The following SYAP1 variants were observed in gnomAD, a reference collection of about 807,000 sequenced individuals.
The protein encoded by SYAP1 is synapse-associated protein 1.
A neutral mutation model predicts 29.6 loss-of-function variants in SYAP1; 3 were observed. The observed-to-expected ratio is 0.10, with a 90% confidence interval of 0.05 to 0.26. SYAP1 has a LOEUF of 0.26. Among genes scored for constraint, SYAP1 ranks in the 10% least tolerant of loss-of-function variants. The pLI, the probability that SYAP1 is intolerant of heterozygous loss-of-function variation, is 1.00. For synonymous variants in SYAP1, 102 were observed against 102.7 expected (o/e 0.99, Z 0.04); for missense variants, 217 against 264.1 (o/e 0.82, Z 1.24).
intron 1 of SYAP1, among the ~76,000 whole-genome samples, chrX:16,733,069 A>C (rs1361525255): frequency 8.9e-6 from 1 of 111,814 alleles, no homozygotes; most frequent in African/African-American, 3.3e-5. Flanking sequence ...CCCACAGCAT[A>C]TGGAGAGTTA....
intron 1 of SYAP1, among the ~76,000 whole-genome samples, chrX:16,725,933 T>C (rs1406146505): frequency 8.9e-6 from 1 of 112,120 alleles, no homozygotes; most frequent in Non-Finnish European, 1.9e-5. Flanking sequence ...ATAAAAGGAA[T>C]TTATTTCCAA....
At chrX:16,744,732 T>C (rs780962770) in intron 5 of SYAP1, among the ~76,000 whole-genome samples, 1 of 111,169 alleles carries the variant, frequency 9.0e-6, no homozygotes, top group African/African-American at 3.3e-5. Flanking sequence ...CTCAGGAAGC[T>C]GAGGCGGGAG....
At chrX:16,739,476 CTTTTTTTT>C (rs760754281) in intron 3 of SYAP1, among the ~76,000 whole-genome samples, 2 of 81,522 alleles carry the variant, frequency 2.5e-5, no homozygotes, top group African/African-American at 4.9e-5. Context: ...CTCTCTCTCT[CTTTTTTTT>C]TTTTTTTTTT....
At chrX:16,747,990 G>A (rs1036379798) in intron 5 of SYAP1, among the ~76,000 whole-genome samples, 1 of 110,687 alleles carries the variant, frequency 9.0e-6, no homozygotes, top group Non-Finnish European at 1.9e-5. Flanking sequence ...AGCTGAGGCA[G>A]CAGAATCACT....
intron 8 of SYAP1, 34 bp from the exon 9 acceptor site, chrX:16,760,198 A>G (rs1926951444): frequency 8.7e-7 from 1 of 1,150,037 alleles, no homozygotes; most frequent in Non-Finnish European, 1.2e-6. Flanking sequence ...ATGAATTCAG[A>G]GAGAATCTTT....
At position 16,736,243 on chromosome X, in the gene SYAP1, G is replaced by C. The variant is rs769884630; in HGVS notation, c.361+11G>C. 6.4e-5 allele frequency: 74 copies of C among 1,154,760 alleles called. No individual in the cohort carries two copies. Among genetic ancestry groups the C allele is most frequent in the Admixed American group, 2.2e-5 (1 of 44,765 alleles). Reference sequence around the variant, plus strand: ...ATACAAAGAAGTCAGGTATGGTATAGGTTTGTCTTAATTAACCTGCCAGGT... The same window carrying C: ...ATACAAAGAAGTCAGGTATGGTATACGTTTGTCTTAATTAACCTGCCAGGT... On this transcript the variant is annotated intron_variant, in intron 3 of 8. Coordinates refer to ENST00000380155, the MANE Select transcript of SYAP1 (RefSeq NM_032796.4).
At chrX:16,760,208 T>C (rs1448798759) in intron 8 of SYAP1, 24 bp from the exon 9 acceptor site, 1 of 1,153,517 alleles carries the variant, frequency 8.7e-7, no homozygotes. Flanking sequence ...AGAGAATCTT[T>C]TTCTTCTCCT....
chrX:16,736,301 C>A, intron 3 of SYAP1, 69 bp downstream of exon 3: 1 of 718,672 alleles, frequency 1.4e-6, no homozygotes, highest in Non-Finnish European at 2.2e-6. Flanking sequence ...CTAGATACCA[C>A]ACTGAGGGTC....
chrX:16,720,648 A>T (rs749107691), intron 1 of SYAP1, among the ~76,000 whole-genome samples: 1 of 112,188 alleles, frequency 8.9e-6, no homozygotes, highest in South Asian at 3.7e-4. Context: ...AGGTGATAAT[A>T]GACGTGGAGT....
chrX:16,761,286 CTA>C lies in SYAP1; in HGVS notation c.*930_*931del, dbSNP rs948438750. ...GCCTTTTCTTTCTTTTCTTTTTAAACTATACCAGAAATTTTACATCACAGTTT... is the reference window on the plus strand; with the variant it reads ...GCCTTTTCTTTCTTTTCTTTTTAAACTACCAGAAATTTTACATCACAGTTT... On this transcript the variant is annotated 3_prime_UTR_variant, in exon 9 of 9. Coordinates refer to ENST00000380155, the MANE Select transcript of SYAP1 (RefSeq NM_032796.4). 1 of 104,582 alleles carries C rather than the reference CTA, an allele frequency of 9.6e-6. No individual in the cohort carries two copies. The highest frequency in any genetic ancestry group is 1.1e-4 in the Admixed American group (1 of 9,412). The allele number at this position is 104,582 out of a possible 1,213,427, so 8.6% of individuals were successfully genotyped here. A position where few individuals can be genotyped will look rare whatever the true frequency, so the allele number is the denominator to read the frequency against.
intron 5 of SYAP1, among the ~76,000 whole-genome samples, chrX:16,749,772 C>T (rs56360216): frequency 1.8e-5 from 2 of 109,385 alleles, no homozygotes; most frequent in Non-Finnish European, 3.8e-5. Flanking sequence ...AAAAATTAGC[C>T]GGGTGGTGGC....
rs748146650 is a variant in SYAP1 at position 16,757,671 on chromosome X, C to T, written c.931+362C>T. Among the ~76,000 whole-genome samples the T allele has an allele frequency of 2.4e-3, 263 of 110,338 alleles. 1 individual carries two copies. Among genetic ancestry groups the T allele is most frequent in the African/African-American group, 8.0e-3 (242 of 30,340 alleles). ...CTGGGAGGCGGAGCTTGCAGTGAGCCGAGATCGCGTCACTGCACTCCAGCC... is the reference window on the plus strand; with the variant it reads ...CTGGGAGGCGGAGCTTGCAGTGAGCTGAGATCGCGTCACTGCACTCCAGCC... On this transcript the variant is annotated intron_variant, in intron 8 of 8. Transcript: ENST00000380155.
At chrX:16,743,057 G>A (rs1162137911) in intron 4 of SYAP1, among the ~76,000 whole-genome samples, 1 of 108,921 alleles carries the variant, frequency 9.2e-6, no homozygotes, top group African/African-American at 3.4e-5. Flanking sequence ...GCCAGGTGCA[G>A]TGGCTCACAC....
At chrX:16,753,383 C>T (rs748996281) in intron 5 of SYAP1, among the ~76,000 whole-genome samples, 3 of 110,299 alleles carry the variant, frequency 2.7e-5, no homozygotes, top group Admixed American at 9.8e-5. Context: ...CACTGCACTC[C>T]GGCCTGGATG....
chrX:16,731,226 T>C, intron 1 of SYAP1, among the ~76,000 whole-genome samples: 1 of 112,303 alleles, frequency 8.9e-6, no homozygotes, highest in South Asian at 3.6e-4. Context: ...ACCCAAATAA[T>C]GAAATATCTG....
chrX:16,733,437 C>T (rs1311190858), intron 1 of SYAP1, among the ~76,000 whole-genome samples: 2 of 111,391 alleles, frequency 1.8e-5, no homozygotes, highest in Non-Finnish European at 3.8e-5. Flanking sequence ...TTGTGCAGAG[C>T]TCTCTTTGCC....
intron 1 of SYAP1, among the ~76,000 whole-genome samples, chrX:16,727,993 A>G (rs1013918917): frequency 2.7e-5 from 3 of 112,425 alleles, no homozygotes; most frequent in African/African-American, 9.7e-5. Flanking sequence ...CTATATTGCC[A>G]TAATTAAGAA....
chrX:16,749,420 C>G (rs1441452091), intron 5 of SYAP1, among the ~76,000 whole-genome samples: 2 of 111,582 alleles, frequency 1.8e-5, no homozygotes, highest in Non-Finnish European at 3.8e-5. Flanking sequence ...TATTGTGACT[C>G]TTCCCCAGAG....
chrX:16,727,281 T>TAAA (rs60144245), intron 1 of SYAP1, among the ~76,000 whole-genome samples: 1 of 90,507 alleles, frequency 1.1e-5, no homozygotes, highest in Non-Finnish European at 2.2e-5. Context: ...TTTTAAAAAT[T>TAAA]AAAAAAAAAA....
Sources: gnomAD v4.1 joint callset for allele counts (sites outside exome capture counted in the v4.1 genomes callset) on GRCh38, gnomAD v4.1.1 for gene constraint, MANE v1.5 for transcripts, NCBI Gene and HGNC (gene_info 2026-07-23, HGNC 2026-07-21) for gene names.